Variants in PTPN21 observed in about 807,000 individuals in gnomAD.
PTPN21 encodes the protein protein tyrosine phosphatase non-receptor type 21.
In PTPN21, 77 loss-of-function variants were observed where a neutral mutation model predicts 131.8. The ratio of observed to expected loss-of-function variants is 0.58; its 90% CI spans 0.49 to 0.71. The LOEUF (loss-of-function observed/expected upper bound fraction) is 0.71, where lower values mean the gene tolerates loss of function less well. PTPN21 is among the 30% of genes least tolerant of loss of function. The probability of loss-of-function intolerance (pLI) is 0.00; values close to 1 mark genes in which losing one functional copy is unlikely to be tolerated. For synonymous variants in PTPN21, 715 were observed against 621.3 expected, an observed-to-expected ratio of 1.15 and a Z score of -2.24; for missense variants, 1,552 against 1,527.1, an observed-to-expected ratio of 1.02 and a Z score of -0.27.
chr14:88,469,890 G>T lies in PTPN21; in HGVS notation c.3000+32C>A, dbSNP rs767595166. On this transcript the variant is annotated intron_variant, in intron 16 of 18. Transcript: ENST00000556564. This position sits in a 1 kb window ranked among gnomAD's most constrained non-coding sequence, Gnocchi z 4.3. ...TAACATTAACTGTTCTTCAGAGGCT[G>T]AGAAAATCACTTAAGAGAAATAAGT... 85 of 1,612,976 alleles carry T rather than the reference G, an allele frequency of 5.3e-5. No homozygotes were observed. The highest frequency in any genetic ancestry group is 6.9e-5 in the Non-Finnish European group (81 of 1,179,330).
chr14:88,527,997 T>A (rs1229624420), intron 2 of PTPN21, among the ~76,000 whole-genome samples: 2 of 152,324 alleles, frequency 1.3e-5, no homozygotes, highest in South Asian at 2.1e-4. Flanking sequence ...TTCTCTATTC[T>A]GTTCCATTGA....
At chr14:88,522,209 T>A (rs1019378866) in intron 2 of PTPN21, among the ~76,000 whole-genome samples, 9 of 151,944 alleles carry the variant, frequency 5.9e-5, no homozygotes, top group African/African-American at 1.9e-4. Flanking sequence ...AGTGGATCAC[T>A]TGAGGTCAGG....
intron 10 of PTPN21, among the ~76,000 whole-genome samples, chr14:88,488,941 T>C (rs1176491550): frequency 6.6e-6 from 1 of 152,096 alleles, no homozygotes; most frequent in East Asian, 1.9e-4. Flanking sequence ...ACCAAACCCA[T>C]AAGGGAGGTC....
chr14:88,502,060 G>A (rs752031779), intron 6 of PTPN21, among the ~76,000 whole-genome samples: 40 of 152,266 alleles, frequency 2.6e-4, no homozygotes, highest in Non-Finnish European at 4.4e-4. Flanking sequence ...ATAAGGGTAC[G>A]AGGAGGCTAC....
chr14:88,552,748 C>T (rs924165490), intron 1 of PTPN21, among the ~76,000 whole-genome samples: 1 of 152,110 alleles, frequency 6.6e-6, no homozygotes, highest in Non-Finnish European at 1.5e-5. Context: ...CAGTAGTTTT[C>T]AATGCTCTTT....
intron 13 of PTPN21, among the ~76,000 whole-genome samples, chr14:88,475,172 G>T (rs1455678405): frequency 1.3e-5 from 2 of 152,114 alleles, no homozygotes; most frequent in East Asian, 3.8e-4. Flanking sequence ...GCCCCAACTG[G>T]AAAATAATGG....
chr14:88,547,888 G>T lies in PTPN21; in HGVS notation c.180+2350C>A, dbSNP rs190472262. Among the ~76,000 whole-genome samples, 6 of 152,068 alleles carry T rather than the reference G, an allele frequency of 3.9e-5. No individual in the cohort carries two copies. In the East Asian group the frequency reaches 1.2e-3, roughly 29 times the overall value. ...TTCCCAATATCTTCCCTCTAACCTG[G>T]ATCTCATGCCTGAACTCCAGATCAG... On this transcript the variant is annotated intron_variant, in intron 2 of 18. Transcript: ENST00000556564.
chr14:88,515,061 C>A (rs957163042), intron 3 of PTPN21: 1 of 152,136 alleles, frequency 6.6e-6, no homozygotes, highest in African/African-American at 2.4e-5. Flanking sequence ...AAGAGGTAAC[C>A]TAGTGCATGG....
intron 12 of PTPN21, 63 bp downstream of exon 12, chr14:88,485,013 A>G (rs2140107301): frequency 7.2e-7 from 1 of 1,379,980 alleles, no homozygotes; most frequent in African/African-American, 1.4e-5. Flanking sequence ...ATGATCTCCA[A>G]GCATTCACAG....
chr14:88,499,608 T>C (rs566825461), intron 8 of PTPN21, among the ~76,000 whole-genome samples: 1 of 152,272 alleles, frequency 6.6e-6, no homozygotes, highest in African/African-American at 2.4e-5. Context: ...AAAGTGGTGG[T>C]AATACCTACT....
intron 2 of PTPN21, chr14:88,547,668 G>T (rs1049807490): frequency 2.2e-6 from 1 of 455,582 alleles, no homozygotes; most frequent in Admixed American, 2.4e-5. Context: ...AAGAATAAAT[G>T]CAAGTAAGCA....
At chr14:88,534,792 T>C (rs1319844347) in intron 2 of PTPN21, among the ~76,000 whole-genome samples, 2 of 152,090 alleles carry the variant, frequency 1.3e-5, no homozygotes, top group Admixed American at 6.6e-5. Flanking sequence ...CTTGGGAGAA[T>C]GCTTGAGCCT....
intron 10 of PTPN21, among the ~76,000 whole-genome samples, chr14:88,486,551 A>AT (rs2077735897): frequency 1.3e-5 from 2 of 152,076 alleles, no homozygotes; most frequent in Admixed American, 1.3e-4. Flanking sequence ...AAACCTACGT[A>AT]TTTTTTAAAT....
chr14:88,527,383 G>T (rs2078495203), intron 2 of PTPN21, among the ~76,000 whole-genome samples: 1 of 152,148 alleles, frequency 6.6e-6, no homozygotes, highest in Non-Finnish European at 1.5e-5. Context: ...ATTGTGGTTT[G>T]ATTTGCATTT....
At chr14:88,530,110 TG>T (rs1438527801) in intron 2 of PTPN21, among the ~76,000 whole-genome samples, 1 of 152,138 alleles carries the variant, frequency 6.6e-6, no homozygotes, top group African/African-American at 2.4e-5. Flanking sequence ...CAGAAGGCAT[TG>T]GGGTCCTATA....
chr14:88,476,857 A>G (rs1203167929), intron 13 of PTPN21, among the ~76,000 whole-genome samples: 1 of 152,210 alleles, frequency 6.6e-6, no homozygotes, highest in Non-Finnish European at 1.5e-5. Flanking sequence ...TGTGGTCTTA[A>G]AAGTCAATGG....
chr14:88,547,323 C>A (rs1199558857), intron 2 of PTPN21, among the ~76,000 whole-genome samples: 1 of 51,544 alleles, frequency 1.9e-5, no homozygotes, highest in African/African-American at 5.8e-5. Context: ...GTCGAAGCAA[C>A]CAAAGTAAAT....
chr14:88,554,405 A>ACC (rs1482743357), intron 1 of PTPN21, among the ~76,000 whole-genome samples: 38 of 152,360 alleles, frequency 2.5e-4, no homozygotes, highest in African/African-American at 9.1e-4. Context: ...TTAACCCGCA[A>ACC]CAATCGGCCA....
intron 2 of PTPN21, among the ~76,000 whole-genome samples, chr14:88,539,703 G>A (rs937656689): frequency 4.6e-5 from 7 of 152,304 alleles, no homozygotes; most frequent in Admixed American, 3.3e-4. Flanking sequence ...GCAGGGGGCT[G>A]TCACCAACTA....
Sources: gnomAD v4.1 joint callset for allele counts (sites outside exome capture counted in the v4.1 genomes callset) on GRCh38, gnomAD v4.1.1 for gene constraint, Gnocchi (gnomAD v3.1) non-coding constraint, MANE v1.5 for transcripts, NCBI Gene and HGNC (gene_info 2026-07-23, HGNC 2026-07-21) for gene names.